Variants in SLC35F1 observed in about 807,000 individuals in gnomAD.
SLC35F1 encodes the protein solute carrier family 35 member F1, also known as chromosome 6 open reading frame 169.
SLC35F1 carries 14 observed loss-of-function variants against 48.7 expected under a neutral mutation model. That is an observed-to-expected ratio of 0.29 (90% CI 0.19 to 0.45). The LOEUF is 0.45. Among genes scored for constraint, SLC35F1 ranks in the 20% least tolerant of loss-of-function variants. SLC35F1 has a pLI of 1.00. For synonymous variants in SLC35F1, 190 were observed against 202.2 expected, an observed-to-expected ratio of 0.94 and a Z score of 0.51; for missense variants, 404 against 500.0, an observed-to-expected ratio of 0.81 and a Z score of 1.83.
chr6:118,308,571 G>C (rs975242450), intron 7 of SLC35F1, among the ~76,000 whole-genome samples: 10 of 152,172 alleles, frequency 6.6e-5, no homozygotes, highest in African/African-American at 2.4e-4. Flanking sequence ...TAAATTTGCA[G>C]ATTCCAAGAC....
In SLC35F1 at chr6:118,090,357, G is replaced by GCC. The variant is rs1177160533; in HGVS notation, c.174-64088_174-64087insCC. Among the ~76,000 whole-genome samples, 21 of 152,276 alleles carry GCC rather than the reference G, an allele frequency of 1.4e-4. No individual in the cohort carries two copies. The Middle Eastern group carries it at 0.01, about 74-fold the overall frequency. ...GAGTTCCCACCCTCACTGAGCATAT[G>GCC]TCGTGGTGGGAGGAAACAGACAATA... On this transcript the variant is annotated intron_variant, in intron 1 of 7. Coordinates refer to ENST00000360388, the MANE Select transcript of SLC35F1 (RefSeq NM_001029858.4).
intron 1 of SLC35F1, among the ~76,000 whole-genome samples, chr6:118,071,064 G>GTGTA (rs71272362): frequency 0.033 from 124 of 3,702 alleles, 24 homozygotes; most frequent in Admixed American, 0.091. Flanking sequence ...TATATTCTAC[G>GTGTA]TATATATACT....
chr6:117,914,221 TTGTC>T (rs1775800461), intron 1 of SLC35F1, among the ~76,000 whole-genome samples: 2 of 151,802 alleles, frequency 1.3e-5, no homozygotes, highest in African/African-American at 2.4e-5. Context: ...ATTCTAAACT[TTGTC>T]TGAAGAATAT....
At chr6:118,180,150 T>G (rs1463893139) in intron 2 of SLC35F1, among the ~76,000 whole-genome samples, 1 of 152,160 alleles carries the variant, frequency 6.6e-6, no homozygotes, top group Admixed American at 6.6e-5. Context: ...AAGCATATTA[T>G]CTGTATGAAT....
intron 2 of SLC35F1, among the ~76,000 whole-genome samples, chr6:118,159,958 G>A (rs893437119): frequency 6.6e-6 from 1 of 152,008 alleles, no homozygotes; most frequent in Admixed American, 6.6e-5. Flanking sequence ...CCTTTCTTCT[G>A]CTACCATTTT....
intron 1 of SLC35F1, among the ~76,000 whole-genome samples, chr6:118,077,955 A>T (rs1307661321): frequency 6.6e-6 from 1 of 152,156 alleles, no homozygotes; most frequent in Non-Finnish European, 1.5e-5. Context: ...TAAGCTTGCT[A>T]TAGGTTGTCA....
intron 1 of SLC35F1, among the ~76,000 whole-genome samples, chr6:117,936,500 C>T (rs1776164773): frequency 6.6e-6 from 1 of 152,200 alleles, no homozygotes. Context: ...ATTGAGTTCT[C>T]CTCCATGTTA....
chr6:118,077,265 T>C (rs1336924195), intron 1 of SLC35F1, among the ~76,000 whole-genome samples: 1 of 152,182 alleles, frequency 6.6e-6, no homozygotes, highest in African/African-American at 2.4e-5. Flanking sequence ...TGCAAAGAGA[T>C]TGCACATGGG....
chr6:118,050,958 A>G (rs1319344092), intron 1 of SLC35F1, among the ~76,000 whole-genome samples: 4 of 152,108 alleles, frequency 2.6e-5, no homozygotes, highest in Non-Finnish European at 5.9e-5. Flanking sequence ...ATGGAACTGC[A>G]TGTTCTCCAG....
intron 1 of SLC35F1, among the ~76,000 whole-genome samples, chr6:118,147,367 A>T (rs1330037533): frequency 2.0e-5 from 3 of 152,136 alleles, no homozygotes. Context: ...GAAACAGGGG[A>T]CACAGGGCCC....
chr6:118,136,198 C>A (rs1773792423), intron 1 of SLC35F1, among the ~76,000 whole-genome samples: 1 of 152,280 alleles, frequency 6.6e-6, no homozygotes, highest in Non-Finnish European at 1.5e-5. Context: ...CCTCATGTAG[C>A]AATGATCTAC....
intron 3 of SLC35F1, among the ~76,000 whole-genome samples, chr6:118,266,155 T>C (rs1469837372): frequency 1.3e-5 from 2 of 152,218 alleles, no homozygotes; most frequent in East Asian, 1.9e-4. Context: ...CAAGGTCACA[T>C]AGCTGTAAAT....
chr6:118,013,047 C>T (rs1777272203), intron 1 of SLC35F1, among the ~76,000 whole-genome samples: 1 of 152,116 alleles, frequency 6.6e-6, no homozygotes, highest in Non-Finnish European at 1.5e-5. Flanking sequence ...ATATTAATAG[C>T]ATCACTGGGA....
intron 1 of SLC35F1, among the ~76,000 whole-genome samples, chr6:117,974,591 A>G (rs1376344317): frequency 6.6e-6 from 1 of 152,200 alleles, no homozygotes; most frequent in Non-Finnish European, 1.5e-5. Context: ...TGTGACAGCT[A>G]TTCTTAAGAA....
intron 2 of SLC35F1, among the ~76,000 whole-genome samples, chr6:118,210,954 C>T (rs900538537): frequency 3.3e-5 from 5 of 152,136 alleles, no homozygotes; most frequent in African/African-American, 1.2e-4. Flanking sequence ...TATTTGAAGA[C>T]AGGGTCTTTA....
At chr6:118,193,678 C>T (rs1774763065) in intron 2 of SLC35F1, among the ~76,000 whole-genome samples, 1 of 151,990 alleles carries the variant, frequency 6.6e-6, no homozygotes, top group Admixed American at 6.6e-5. Context: ...GGTGAAAAAC[C>T]TGGTAAGTTA....
intron 1 of SLC35F1, among the ~76,000 whole-genome samples, chr6:118,110,755 T>C (rs1773387185): frequency 6.6e-6 from 1 of 152,090 alleles, no homozygotes; most frequent in African/African-American, 2.4e-5. Context: ...TAATACTCTA[T>C]TATTAGACAG....
At chr6:118,229,930 C>T (rs929400650) in intron 2 of SLC35F1, among the ~76,000 whole-genome samples, 4 of 152,182 alleles carry the variant, frequency 2.6e-5, no homozygotes, top group African/African-American at 9.7e-5. Flanking sequence ...GTAATGCTAT[C>T]TTACTTCAAA....
intron 1 of SLC35F1, among the ~76,000 whole-genome samples, chr6:118,103,908 C>T (rs1773293864): frequency 6.6e-6 from 1 of 152,114 alleles, no homozygotes; most frequent in African/African-American, 2.4e-5. Flanking sequence ...AAAAAAGTCT[C>T]AGAGTTTGCA....
Sources: allele counts gnomAD v4.1 joint callset (sites outside exome capture counted in the v4.1 genomes callset), GRCh38; gene constraint gnomAD v4.1.1; transcripts MANE v1.5; gene names NCBI Gene and HGNC (gene_info 2026-07-23, HGNC 2026-07-21).